Variants in ROBO1 observed in about 807,000 individuals in gnomAD.
ROBO1 encodes roundabout guidance receptor 1, also known as roundabout homolog 1.
Under a neutral mutation model 195.9 loss-of-function variants are expected in ROBO1, and 149 were observed. That is an observed-to-expected ratio of 0.76 (90% CI 0.67 to 0.87). ROBO1 has a LOEUF of 0.87. Among genes scored for constraint, ROBO1 ranks in the 40% least tolerant of loss-of-function variants. The pLI is 0.00. For missense variants in ROBO1, 1,933 were observed against 2,068.3 expected (o/e 0.93, Z 1.27); for synonymous variants, 816 against 733.2 (o/e 1.11, Z -1.82).
chr3:79,579,268 T>C (rs1280860645), intron 2 of ROBO1, among the ~76,000 whole-genome samples: 1 of 152,188 alleles, frequency 6.6e-6, no homozygotes, highest in African/African-American at 2.4e-5. Context: ...TGTCGGTAAA[T>C]GTTATTGTTA....
At chr3:79,577,842 G>A (rs1353156936) in intron 2 of ROBO1, among the ~76,000 whole-genome samples, 1 of 151,676 alleles carries the variant, frequency 6.6e-6, no homozygotes, top group East Asian at 1.9e-4. Context: ...AACTCGGGAG[G>A]CAGAGGTTGC....
chr3:79,321,252 G>A (rs1280551825), intron 2 of ROBO1, among the ~76,000 whole-genome samples: 1 of 151,316 alleles, frequency 6.6e-6, no homozygotes, highest in Non-Finnish European at 1.5e-5. Flanking sequence ...TTTCTATAGG[G>A]GTATTTACAT....
chr3:79,356,008 T>C (rs1240866099), intron 2 of ROBO1, among the ~76,000 whole-genome samples: 4 of 152,208 alleles, frequency 2.6e-5, no homozygotes, highest in Non-Finnish European at 5.9e-5. Flanking sequence ...GCTTAAAAAC[T>C]CAAAAATGTA....
chr3:78,841,672 T>G (rs2033213837), intron 4 of ROBO1, among the ~76,000 whole-genome samples: 1 of 152,134 alleles, frequency 6.6e-6, no homozygotes, highest in East Asian at 1.9e-4. Flanking sequence ...CAATTTTCTG[T>G]ACTGCACAAA....
rs201148173 is a variant in ROBO1 at position 78,965,620 on chromosome 3, C to CA, written c.173-26694dup. Among the ~76,000 whole-genome samples, 1,306 of 139,916 alleles carry CA rather than the reference C, an allele frequency of 9.3e-3. 24 individuals carry two copies. The highest frequency in any genetic ancestry group is 0.028 in the African/African-American group (1,077 of 38,128). The allele number at this position is 139,916 out of a possible 152,430, so 91.8% of individuals were successfully genotyped here. On this transcript the variant is annotated intron_variant, in intron 3 of 30. Transcript: ENST00000464233. ...CTTCTTTAAGTATGTTTATTCATTT[C>CA]AAAAAAAAAAATAAAGCATGTAATA...
In ROBO1 at chr3:78,853,805, G is replaced by A. The variant is rs73114777; in HGVS notation, c.499+84796C>T. ...ACTGGAGAGGCCTCACAATGATAGC[G>A]GAAGGCAAAAAGGACATCTTATGTG... is the stretch of plus-strand genomic sequence containing the variant. On this transcript the variant is annotated intron_variant, in intron 4 of 30. Coordinates refer to ENST00000464233, the MANE Select transcript of ROBO1 (RefSeq NM_002941.4). Among the ~76,000 whole-genome samples the A allele has an allele frequency of 6.8e-3, 1,032 of 152,068 alleles. 7 individuals are homozygous for A. Among genetic ancestry groups the A allele is most frequent in the Non-Finnish European group, 0.012 (816 of 67,984 alleles).
chr3:79,169,041 T>G (rs1441142078), intron 2 of ROBO1, among the ~76,000 whole-genome samples: 1 of 152,124 alleles, frequency 6.6e-6, no homozygotes, highest in Non-Finnish European at 1.5e-5. Flanking sequence ...AGCAACAAGT[T>G]TTGAAGACCA....
intron 2 of ROBO1, among the ~76,000 whole-genome samples, chr3:79,435,633 AC>A (rs967880596): frequency 4.3e-4 from 65 of 152,284 alleles, no homozygotes; most frequent in African/African-American, 1.5e-3. Context: ...TCCTGTAGGA[AC>A]CACCAGAACT....
At chr3:79,563,087 T>G (rs779562579) in intron 2 of ROBO1, among the ~76,000 whole-genome samples, 15 of 152,026 alleles carry the variant, frequency 9.9e-5, no homozygotes, top group Non-Finnish European at 1.5e-4. Context: ...AGGGGTGAAA[T>G]ACTATATAAA....
chr3:78,690,735 G>A lies in ROBO1; in HGVS notation c.1046-1963C>T, dbSNP rs551974172. Among the ~76,000 whole-genome samples, 12 of 152,206 alleles carry A rather than the reference G, an allele frequency of 7.9e-5. No homozygotes were observed. The South Asian group carries it at 2.5e-3, about 31-fold the overall frequency. ...AATCCAAGTGATTAATTAGATGAGTGGGAGAATATGACTTTCCAATATGCA... is the reference window on the plus strand; with the variant it reads ...AATCCAAGTGATTAATTAGATGAGTAGGAGAATATGACTTTCCAATATGCA... On this transcript the variant is annotated intron_variant, in intron 8 of 30. Coordinates refer to ENST00000464233, the MANE Select transcript of ROBO1 (RefSeq NM_002941.4).
chr3:79,716,534 A>T, intron 1 of ROBO1, among the ~76,000 whole-genome samples: 1 of 151,980 alleles, frequency 6.6e-6, no homozygotes, highest in African/African-American at 2.4e-5. Context: ...CAATACTATG[A>T]TAATTTTTCA....
chr3:79,517,757 G>T (rs1327074843), intron 2 of ROBO1, among the ~76,000 whole-genome samples: 1 of 152,148 alleles, frequency 6.6e-6, no homozygotes, highest in Non-Finnish European at 1.5e-5. Context: ...TTGAATACTT[G>T]CTGTGTGGCA....
intron 3 of ROBO1, among the ~76,000 whole-genome samples, chr3:78,958,415 T>C (rs891010223): frequency 6.6e-6 from 1 of 152,240 alleles, no homozygotes; most frequent in Non-Finnish European, 1.5e-5. Flanking sequence ...AATTCTTATT[T>C]ATCCATTAGG....
At chr3:79,230,025 CTTAAT>C (rs1187147184) in intron 2 of ROBO1, among the ~76,000 whole-genome samples, 1 of 152,048 alleles carries the variant, frequency 6.6e-6, no homozygotes, top group African/African-American at 2.4e-5. Context: ...AGAAACTAAC[CTTAAT>C]TTGCATAGTC....
At chr3:78,922,463 G>C (rs980878530) in intron 4 of ROBO1, among the ~76,000 whole-genome samples, 3 of 152,058 alleles carry the variant, frequency 2.0e-5, no homozygotes, top group African/African-American at 7.2e-5. Flanking sequence ...TCAAAGAAAA[G>C]TTCATAGGCA....
intron 2 of ROBO1, among the ~76,000 whole-genome samples, chr3:79,196,451 C>A (rs1042052149): frequency 6.6e-6 from 1 of 151,066 alleles, no homozygotes; most frequent in South Asian, 2.1e-4. Flanking sequence ...AACAAAAGAG[C>A]GAGTGATTGA....
intron 1 of ROBO1, among the ~76,000 whole-genome samples, chr3:79,618,545 G>A (rs559326146): frequency 3.9e-5 from 6 of 152,248 alleles, no homozygotes; most frequent in Non-Finnish European, 8.8e-5. Flanking sequence ...CTGCCCACAA[G>A]AGAAAACCTC....
At chr3:79,318,999 G>C (rs1181079324) in intron 2 of ROBO1, among the ~76,000 whole-genome samples, 1 of 152,112 alleles carries the variant, frequency 6.6e-6, no homozygotes, top group African/African-American at 2.4e-5. Context: ...AATTTAAAAA[G>C]TACAAGTGCA....
intron 4 of ROBO1, among the ~76,000 whole-genome samples, chr3:78,787,985 G>C (rs1464431488): frequency 7.0e-6 from 1 of 142,744 alleles, no homozygotes; most frequent in Non-Finnish European, 1.5e-5. Context: ...TGTCTCCCAG[G>C]CTGGAGTGCA....
Sources: gnomAD v4.1 joint callset for allele counts (sites outside exome capture counted in the v4.1 genomes callset) on GRCh38, gnomAD v4.1.1 for gene constraint, MANE v1.5 for transcripts, NCBI Gene and HGNC (gene_info 2026-07-23, HGNC 2026-07-21) for gene names.